Variants in RTTN observed in about 807,000 individuals in gnomAD.
RTTN encodes rotatin.
A neutral mutation model predicts 269.2 loss-of-function variants in RTTN; 182 were observed. That is an observed-to-expected ratio of 0.68 (90% CI 0.60 to 0.76). The LOEUF is 0.76. RTTN is among the 30% of genes least tolerant of loss of function. The pLI is 0.00. For missense variants in RTTN, 2,545 were observed against 2,608.6 expected (o/e 0.98, Z 0.53); for synonymous variants, 1,006 against 963.5 (o/e 1.04, Z -0.82).
intron 18 of RTTN, among the ~76,000 whole-genome samples, chr18:70,142,778 G>T (rs1251220446): frequency 2.0e-5 from 3 of 152,206 alleles, no homozygotes; most frequent in Admixed American, 6.5e-5. Flanking sequence ...GAGGTCAGGA[G>T]TTCAAGACAA....
rs370094779 is a variant in RTTN at position 70,168,919 on chromosome 18, C to T, written c.1625G>A (p.Arg542Gln). 6.3e-5 allele frequency: 101 copies of T among 1,613,262 alleles called. No homozygotes were observed. Among genetic ancestry groups the T allele is most frequent in the South Asian group, 1.8e-4 (16 of 90,940 alleles). The change falls in exon 12 of 49, where the codon CGA (arginine) becomes CAA (glutamine). Residue 542 changes from arginine (R) to glutamine (Q), a missense_variant. Coordinates refer to ENST00000640769, the MANE Select transcript of RTTN (RefSeq NM_173630.4). Reference sequence around the variant, plus strand: ...AATTGAATAAACGGCCTCTGCAGTTCGTTTATAAATACTGTAGTTTTCAGA... The same window carrying T: ...AATTGAATAAACGGCCTCTGCAGTTTGTTTATAAATACTGTAGTTTTCAGA... Reference protein sequence around the residue: ...LNSENYSIYKRTAEAVYSIEC... With the variant: ...LNSENYSIYKQTAEAVYSIEC...
At chr18:70,129,593 A>T (rs2059948912) in intron 23 of RTTN, 1 of 151,544 alleles carries the variant, frequency 6.6e-6, no homozygotes, top group Non-Finnish European at 1.5e-5. Context: ...ATGAAACTAG[A>T]TCTCTATCTC....
chr18:70,091,843 C>G (rs1472514639), intron 30 of RTTN, among the ~76,000 whole-genome samples: 1 of 151,690 alleles, frequency 6.6e-6, no homozygotes, highest in African/African-American at 2.4e-5. Flanking sequence ...AGCTTCACCT[C>G]CCAAGTTCAC....
chr18:70,179,647 G>C (rs987572583), intron 10 of RTTN, among the ~76,000 whole-genome samples: 1 of 152,072 alleles, frequency 6.6e-6, no homozygotes, highest in Admixed American at 6.5e-5. Flanking sequence ...ACAACAGAAG[G>C]TACAAAATTG....
intron 4 of RTTN, among the ~76,000 whole-genome samples, chr18:70,201,350 C>G (rs1256779708): frequency 1.3e-5 from 2 of 152,038 alleles, no homozygotes; most frequent in Non-Finnish European, 2.9e-5. Flanking sequence ...CGCCTGTAAT[C>G]CCAGCACTTT....
At chr18:70,193,176 CAAAAAAA>C (rs35759421) in intron 8 of RTTN, 105 bp downstream of exon 8, 42 of 660,856 alleles carry the variant, frequency 6.4e-5, no homozygotes, top group African/African-American at 8.2e-5. Flanking sequence ...GTTAATGTTT[CAAAAAAA>C]AAAAAAAAAA....
At chr18:70,140,412 A>G (rs1174865444) in intron 19 of RTTN, among the ~76,000 whole-genome samples, 1 of 152,166 alleles carries the variant, frequency 6.6e-6, no homozygotes, top group Admixed American at 6.5e-5. Flanking sequence ...TGTCACATAA[A>G]ATACAAAACT....
chr18:70,042,366 CTTTTTTTT>C (rs1017125527), intron 40 of RTTN, among the ~76,000 whole-genome samples: 26 of 78,070 alleles, frequency 3.3e-4, no homozygotes, highest in African/African-American at 1.2e-3. Context: ...TTGGAATTTT[CTTTTTTTT>C]TTTTTTTTTT....
At chr18:70,186,489 C>A (rs919949334) in intron 10 of RTTN, among the ~76,000 whole-genome samples, 1 of 152,100 alleles carries the variant, frequency 6.6e-6, no homozygotes, top group African/African-American at 2.4e-5. Context: ...CGCGGTGGCT[C>A]GCACCTGTAA....
At chr18:70,107,191 C>T (rs888080655) in intron 28 of RTTN, among the ~76,000 whole-genome samples, 17 of 152,142 alleles carry the variant, frequency 1.1e-4, no homozygotes, top group African/African-American at 4.1e-4. Flanking sequence ...GTAGCTATGC[C>T]CCAAGGAGAG....
At chr18:70,122,082 A>AC (rs1406590414) in intron 25 of RTTN, among the ~76,000 whole-genome samples, 1 of 152,174 alleles carries the variant, frequency 6.6e-6, no homozygotes, top group Non-Finnish European at 1.5e-5. Context: ...AGTACTTCAA[A>AC]CCTAATTCTG....
chr18:70,028,789 T>A lies in RTTN; in HGVS notation c.5758A>T (p.Ile1920Phe), dbSNP rs1223661887. Residue 1920 changes from isoleucine to phenylalanine, a missense_variant, in exon 43 of 49, where the codon ATT (isoleucine) becomes TTT (phenylalanine). By Grantham distance (21) the Ile-to-Phe change is conservative. Transcript: ENST00000640769. ...AALKKKEDGVIKELSIAMQLL... is the reference protein window; with the variant it reads ...AALKKKEDGVFKELSIAMQLL... ...TGCATGGCAATGCTTAACTCTTTAA[T>A]AACACCATCCTCCTATTTAAACAAA... The A allele has an allele frequency of 6.2e-7, 1 of 1,610,584 alleles. No homozygotes were observed. Among genetic ancestry groups the A allele is most frequent in the South Asian group, 1.1e-5 (1 of 90,788 alleles).
intron 10 of RTTN, among the ~76,000 whole-genome samples, chr18:70,183,990 G>A (rs1462914148): frequency 1.3e-5 from 2 of 152,098 alleles, no homozygotes; most frequent in East Asian, 1.9e-4. Flanking sequence ...TTCATCTCAA[G>A]CTCCTGGCTT....
chr18:70,175,734 A>T (rs76494673), intron 11 of RTTN, among the ~76,000 whole-genome samples: 5,199 of 152,212 alleles, frequency 0.034, 309 homozygotes, highest in African/African-American at 0.12. Flanking sequence ...TCAGAAACCA[A>T]CTTGACCAAT....
chr18:70,113,293 T>C (rs2059521909), intron 27 of RTTN, among the ~76,000 whole-genome samples: 2 of 152,148 alleles, frequency 1.3e-5, no homozygotes. Context: ...CATAAGAACA[T>C]GAGAAGATGC....
chr18:70,190,268 A>T (rs910398185), intron 9 of RTTN, among the ~76,000 whole-genome samples: 4 of 152,092 alleles, frequency 2.6e-5, no homozygotes, highest in African/African-American at 9.7e-5. Context: ...TGCAAAAAAT[A>T]GATAAAAATT....
intron 45 of RTTN, chr18:70,019,364 C>T (rs1301843956): frequency 1.3e-5 from 2 of 152,282 alleles, no homozygotes; most frequent in East Asian, 1.9e-4. Flanking sequence ...ACTGCCCCCG[C>T]TCTGCTCTCA....
chr18:70,103,182 C>T (rs925707490), intron 28 of RTTN, among the ~76,000 whole-genome samples: 5 of 151,994 alleles, frequency 3.3e-5, no homozygotes, highest in African/African-American at 9.7e-5. Context: ...AAGTGAGGAG[C>T]GCCTCTGCCT....
At position 70,188,202 on chromosome 18, in the gene RTTN, C is replaced by T. The variant is rs781383767; in HGVS notation, c.1211G>A (p.Arg404Lys). Residue 404 changes from arginine to lysine, a missense_variant, in exon 10 of 49, where the codon AGA becomes AAA. Transcript: ENST00000640769. The stretch of plus-strand genomic sequence containing the variant: ...ATCCTCTGTAAGCAATTCCAGAACT[C>T]TTATTATCACTTGTCTGCTACCTAG... ...LRTGSRQVII[R>K]VLELLTEDMT... is the part of the protein sequence containing the mutation. 4 of 1,600,216 alleles carry T rather than the reference C, an allele frequency of 2.5e-6. No individual in the cohort carries two copies. The Admixed American group carries it at 6.7e-5, about 27-fold the overall frequency.
Sources: allele counts gnomAD v4.1 joint callset (sites outside exome capture counted in the v4.1 genomes callset), GRCh38; gene constraint gnomAD v4.1.1; transcripts MANE v1.5; gene names NCBI Gene and HGNC (gene_info 2026-07-23, HGNC 2026-07-21).